SYBU: variants seen among roughly 807,000 people sequenced by gnomAD.
SYBU encodes the protein GOLSYN A protein.
Under a neutral mutation model 35.9 loss-of-function variants are expected in SYBU, and 21 were observed. The ratio of observed to expected loss-of-function variants is 0.58; its 90% CI spans 0.41 to 0.84. SYBU has a LOEUF of 0.84. Ranked by LOEUF, SYBU falls within the 40% of genes least tolerant of loss-of-function variation. The pLI is 0.00. For synonymous variants in SYBU, 319 were observed against 324.3 expected (o/e 0.98, Z 0.18); for missense variants, 768 against 848.2 (o/e 0.91, Z 1.17).
At chr8:109,661,993 C>G (rs1816581385) in intron 1 of SYBU, among the ~76,000 whole-genome samples, 1 of 152,200 alleles carries the variant, frequency 6.6e-6, no homozygotes, top group East Asian at 1.9e-4. Flanking sequence ...TCAAATCTCA[C>G]CTGGGTGCTG....
At chr8:109,631,889 G>A (rs1813664124) in intron 2 of SYBU, among the ~76,000 whole-genome samples, 1 of 150,884 alleles carries the variant, frequency 6.6e-6, no homozygotes, top group Non-Finnish European at 1.5e-5. Flanking sequence ...AGCATTATGG[G>A]TTTGTTTGCA....
chr8:109,661,853 C>G (rs571786245), intron 1 of SYBU, among the ~76,000 whole-genome samples: 55 of 152,218 alleles, frequency 3.6e-4, no homozygotes, highest in Admixed American at 1.2e-3. Context: ...CTTTATTACC[C>G]CAAGAAATAT....
rs188672923 is a variant in SYBU at position 109,674,221 on chromosome 8, C to T, written c.-129+6490G>A. Among the ~76,000 whole-genome samples the T allele has an allele frequency of 8.8e-3, 1,311 of 148,438 alleles. 25 individuals carry two copies. The highest frequency in any genetic ancestry group is 0.031 in the African/African-American group (1,260 of 40,338). On this transcript the variant is annotated intron_variant, in intron 1 of 5. Transcript: ENST00000408889. ...CCTCGAGAAGAGCAACCCCAAGACA[C>T]ATAATCATCAGATTCACCAAGGTTG...
chr8:109,596,651 C>T (rs182748711), intron 3 of SYBU, among the ~76,000 whole-genome samples: 98 of 152,198 alleles, frequency 6.4e-4, no homozygotes, highest in South Asian at 1.0e-3. Flanking sequence ...TATTATATTG[C>T]GAAAATTCTC....
At chr8:109,685,861 G>A (rs905092627), upstream of SYBU, among the ~76,000 whole-genome samples, 10 of 152,064 alleles carry the variant, frequency 6.6e-5, no homozygotes, top group African/African-American at 7.2e-5. Flanking sequence ...AAAAAATTAC[G>A]AAATGAAGAG....
intron 1 of SYBU, among the ~76,000 whole-genome samples, chr8:109,663,686 C>T (rs1195602567): frequency 6.6e-6 from 1 of 151,654 alleles, no homozygotes; most frequent in Non-Finnish European, 1.5e-5. Context: ...AAAATGTTCT[C>T]TTTTTTTTCA....
Position 109,574,220 on chromosome 8 carries a change from C to A in SYBU, c.*686G>T, listed in dbSNP as rs1821958659. On this transcript the variant is annotated 3_prime_UTR_variant, in exon 7 of 7. Transcript: ENST00000276646. ...TAAAACATTTATTTAAATGGAAACACTAATCTTTATTTTCATCATGCTGAA... is the reference window on the plus strand; with the variant it reads ...TAAAACATTTATTTAAATGGAAACAATAATCTTTATTTTCATCATGCTGAA... The A allele has an allele frequency of 6.6e-6, 1 of 152,548 alleles. No homozygotes were observed. Among genetic ancestry groups the A allele is most frequent in the Non-Finnish European group, 1.5e-5 (1 of 68,034 alleles). 9.4% of individuals were successfully genotyped at this position (152,548 alleles called of 1,614,324 possible). A position where few individuals can be genotyped will look rare whatever the true frequency, so the allele number is the denominator to read the frequency against.
chr8:109,606,999 A>G (rs1453574484), intron 3 of SYBU, among the ~76,000 whole-genome samples: 1 of 152,234 alleles, frequency 6.6e-6, no homozygotes, highest in Non-Finnish European at 1.5e-5. Flanking sequence ...GATGTCAGCT[A>G]TATATGTGAA....
At chr8:109,689,116 C>G (rs1817586324) in intron 1 of SYBU, among the ~76,000 whole-genome samples, 1 of 152,068 alleles carries the variant, frequency 6.6e-6, no homozygotes, top group Non-Finnish European at 1.5e-5. Flanking sequence ...ATTTGATGTA[C>G]TTACAAAATG....
At chr8:109,688,956 G>A (rs914552305) in intron 1 of SYBU, among the ~76,000 whole-genome samples, 17 of 152,080 alleles carry the variant, frequency 1.1e-4, no homozygotes, top group African/African-American at 4.1e-4. Flanking sequence ...ACATCTTAAC[G>A]GTGTGTATGG....
rs1431553560 is a variant in SYBU, at chr8:109,669,078, C to T, written c.-129+11633G>A. On this transcript the variant is annotated intron_variant, in intron 1 of 5. Coordinates refer to the SYBU transcript ENST00000408889. Reference sequence around the variant, plus strand: ...AACTGATCGGCTGGGCGTGGTGGCTCACACCTGTAATCCCAGCACTTTGGG... The same window carrying T: ...AACTGATCGGCTGGGCGTGGTGGCTTACACCTGTAATCCCAGCACTTTGGG... Among the ~76,000 whole-genome samples the T allele has an allele frequency of 3.9e-5, 6 of 151,972 alleles. No homozygotes were observed. The South Asian group carries it at 6.2e-4, about 16-fold the overall frequency.
intron 2 of SYBU, among the ~76,000 whole-genome samples, chr8:109,621,419 G>C (rs776017755): frequency 6.6e-6 from 1 of 152,184 alleles, no homozygotes; most frequent in Non-Finnish European, 1.5e-5. Context: ...ATCTCCAGAA[G>C]CAGGGAATGA....
intron 1 of SYBU, among the ~76,000 whole-genome samples, chr8:109,690,177 C>T (rs1377004687): frequency 6.6e-6 from 1 of 152,028 alleles, no homozygotes; most frequent in Non-Finnish European, 1.5e-5. Flanking sequence ...TCAAAATCTG[C>T]ACTATGATAA....
chr8:109,606,634 C>T (rs1283922892), intron 3 of SYBU, among the ~76,000 whole-genome samples: 2 of 152,062 alleles, frequency 1.3e-5, no homozygotes, highest in Non-Finnish European at 2.9e-5. Flanking sequence ...TCTCACACAC[C>T]CATGTTTGTC....
intron 3 of SYBU, among the ~76,000 whole-genome samples, chr8:109,609,700 G>A (rs1246318947): frequency 6.6e-6 from 1 of 152,072 alleles, no homozygotes; most frequent in Non-Finnish European, 1.5e-5. Flanking sequence ...GGAGTTCAAG[G>A]CTACATTGAG....
intron 3 of SYBU, among the ~76,000 whole-genome samples, chr8:109,607,670 T>C (rs1170268346): frequency 6.6e-6 from 1 of 152,168 alleles, no homozygotes; most frequent in Non-Finnish European, 1.5e-5. Flanking sequence ...ACAAATAGAC[T>C]TACAAATGAC....
rs778452556 is a variant in SYBU, at chr8:109,579,788, G to A, written c.734+11C>T. The A allele has an allele frequency of 6.2e-7, 1 of 1,612,402 alleles. No individual in the cohort carries two copies. Among genetic ancestry groups the A allele is most frequent in the Non-Finnish European group, 8.5e-7 (1 of 1,178,510 alleles). On this transcript the variant is annotated intron_variant, in intron 5 of 6. Coordinates refer to ENST00000276646, the MANE Select transcript of SYBU (RefSeq NM_001099754.2). Reference sequence around the variant, plus strand: ...AAACTAAGATGCATGAATTAGGTGAGCAGGACTCACCTCATGATGGGGCTA... The same window carrying A: ...AAACTAAGATGCATGAATTAGGTGAACAGGACTCACCTCATGATGGGGCTA...
intron 2 of SYBU, among the ~76,000 whole-genome samples, chr8:109,631,416 T>G (rs1464679082): frequency 1.3e-5 from 2 of 152,198 alleles, no homozygotes; most frequent in Non-Finnish European, 2.9e-5. Context: ...TTCCCAGGAT[T>G]TCTGAGCTAT....
intron 2 of SYBU, among the ~76,000 whole-genome samples, chr8:109,636,800 T>C (rs1814279377): frequency 6.6e-6 from 1 of 152,226 alleles, no homozygotes; most frequent in Non-Finnish European, 1.5e-5. Context: ...TCCTCCTCCT[T>C]ACTTTGCTAC....
Sources: gnomAD v4.1 joint callset for allele counts (sites outside exome capture counted in the v4.1 genomes callset) on GRCh38, gnomAD v4.1.1 for gene constraint, MANE v1.5 for transcripts, NCBI Gene and HGNC (gene_info 2026-07-23, HGNC 2026-07-21) for gene names.